The following RNF208 variants were observed in gnomAD, a reference collection of about 807,000 sequenced individuals.
RNF208 encodes ring finger protein 208.
RNF208 carries 7 observed loss-of-function variants against 15.2 expected under a neutral mutation model. That is an observed-to-expected ratio of 0.46 (90% CI 0.26 to 0.86). The LOEUF is 0.86. RNF208 is among the 40% of genes least tolerant of loss of function. The pLI is 0.16. For synonymous variants in RNF208, 211 were observed against 163.2 expected (o/e 1.29, Z -2.23); for missense variants, 342 against 364.1 (o/e 0.94, Z 0.49).
chr9:137,220,898 C>T lies in RNF208; in HGVS notation c.315G>A (p.Leu105=), dbSNP rs1328897848. ...CCTCTGGGGCCACGCGGGGAAAGCC[C>T]AGCTCCGAGCTTCCCTTACGGGGCC... ...PRRPRKGSSE[L]GFPRVAPEDE... Residue 105 remains leucine, a synonymous_variant, in exon 2 of 2, where the codon CTG becomes CTA. Transcript: ENST00000391553. 6.4e-7 allele frequency: 1 copy of T among 1,573,540 alleles called. No homozygotes were observed. Among genetic ancestry groups the T allele is most frequent in the African/African-American group, 1.4e-5 (1 of 73,964 alleles).
At chr9:137,222,932 C>T (rs1185989775), upstream of RNF208, among the ~76,000 whole-genome samples, 1 of 152,238 alleles carries the variant, frequency 6.6e-6, no homozygotes, top group East Asian at 1.9e-4. Context: ...CTGTGGAGCC[C>T]TCGGGCTTGC....
chr9:137,221,275 C>G lies in RNF208; in HGVS notation c.-63G>C. On this transcript the variant is annotated 5_prime_UTR_variant, in exon 2 of 2. Coordinates refer to ENST00000391553, the MANE Select transcript of RNF208 (RefSeq NM_031297.7). ...GGGGGCGTTGTGTGGGGCTGGGGGG[C>G]AGGTGACAGGGCAGCATCCTGGTCC... is the stretch of plus-strand genomic sequence containing the variant. The G allele has an allele frequency of 9.5e-7, 1 of 1,047,978 alleles. No homozygotes were observed. The highest frequency in any genetic ancestry group is 1.3e-6 in the Non-Finnish European group (1 of 786,776). The allele number at this position is 1,047,978 out of a possible 1,614,324, so 64.9% of individuals were successfully genotyped here.
Position 137,220,819 on chromosome 9 carries a change from C to A in RNF208, c.394G>T (p.Ala132Ser). 6.2e-7 allele frequency: 1 copy of A among 1,607,768 alleles called. No individual in the cohort carries two copies. Among genetic ancestry groups the A allele is most frequent in the East Asian group, 2.2e-5 (1 of 44,762 alleles). ...GGCTCGCCTGCCGCCGCCGAAGAAGCCGCCGAGGCCGAGGGGCCAGGCCGA... is the reference window on the plus strand; with the variant it reads ...GGCTCGCCTGCCGCCGCCGAAGAAGACGCCGAGGCCGAGGGGCCAGGCCGA... ...VIRPGPSASA[A>S]SSAAAGEPLE... Residue 132 changes from alanine (A) to serine (S), a missense_variant, in exon 2 of 2, where the codon GCT becomes TCT. Ala to Ser is a moderately conservative substitution (Grantham distance 99). Around this residue, in one of 3 missense-constraint regions of RNF208, gnomAD observed 207 missense variants for 193.7 expected, o/e 1.07. Transcript: ENST00000391553.
At position 137,220,560 on chromosome 9, in the gene RNF208, G is replaced by A. The variant is rs768549537; in HGVS notation, c.653C>T (p.Ala218Val). The change falls in exon 2 of 2, where the codon GCG (alanine) becomes GTG (valine). Residue 218 changes from alanine to valine, a missense_variant. Ala to Val is a moderately conservative substitution (Grantham distance 64). Around this residue, in one of 3 missense-constraint regions of RNF208, gnomAD observed 76 missense variants for 118.0 expected, o/e 0.64. Transcript: ENST00000391553. Reference protein sequence around the residue: ...TSILSRLPPEALTAPSGGQWG... With the variant: ...TSILSRLPPEVLTAPSGGQWG... The stretch of plus-strand genomic sequence containing the variant: ...CTGACCCCCGGATGGGGCCGTCAGC[G>A]CCTCAGGCGGCAGGCGGCTCAGGAT... 9.9e-6 allele frequency: 16 copies of A among 1,610,256 alleles called. No homozygotes were observed. Among genetic ancestry groups the A allele is most frequent in the Middle Eastern group, 1.7e-4 (1 of 6,060 alleles).
rs370547824 is a variant in RNF208, at chr9:137,220,808, C to G, written c.405G>C (p.Ala135=). ...GGCACTCCAGGGGCTCGCCTGCCGCCGCCGAAGAAGCCGCCGAGGCCGAGG... is the reference window on the plus strand; with the variant it reads ...GGCACTCCAGGGGCTCGCCTGCCGCGGCCGAAGAAGCCGCCGAGGCCGAGG... The part of the protein sequence containing the change: ...PGPSASAASS[A]AAGEPLECPT... The change falls in exon 2 of 2, where the codon GCG becomes GCC. Residue 135 remains alanine, a synonymous_variant. Transcript: ENST00000391553. 1.2e-6 allele frequency: 2 copies of G among 1,607,756 alleles called. No homozygotes were observed. The highest frequency in any genetic ancestry group is 1.7e-6 in the Non-Finnish European group (2 of 1,177,468).
In RNF208 at chr9:137,221,262, T is replaced by TG; in HGVS notation, c.-51dup. On this transcript the variant is annotated 5_prime_UTR_variant, in exon 2 of 2. The change abolishes the stop of an existing upstream ORF in the 5' untranslated region. Coordinates refer to ENST00000391553, the MANE Select transcript of RNF208 (RefSeq NM_031297.7). ...TGTTCGGGTGGGTGGGGGCGTTGTGTGGGGCTGGGGGGCAGGTGACAGGGC... is the reference window on the plus strand; with the variant it reads ...TGTTCGGGTGGGTGGGGGCGTTGTGTGGGGGCTGGGGGGCAGGTGACAGGGC... The TG allele has an allele frequency of 8.7e-6, 1 of 114,906 alleles. No homozygotes were observed. Among genetic ancestry groups the TG allele is most frequent in the Non-Finnish European group, 1.3e-5 (1 of 76,890 alleles). The allele number at this position is 114,906 out of a possible 1,614,324, so 7.1% of individuals were successfully genotyped here.
In RNF208 at chr9:137,222,194, G is replaced by C. The variant is rs1232295251; in HGVS notation, c.-732C>G. Reference sequence around the variant, plus strand: ...GCGTGGGGCGCGGGGCGCGGGTTTCGGCACGGCGGCGACGGCGGCAGGTGC... The same window carrying C: ...GCGTGGGGCGCGGGGCGCGGGTTTCCGCACGGCGGCGACGGCGGCAGGTGC... On this transcript the variant is annotated 5_prime_UTR_variant, in exon 1 of 2. Coordinates refer to ENST00000391553, the MANE Select transcript of RNF208 (RefSeq NM_031297.7). Among the ~76,000 whole-genome samples the C allele has an allele frequency of 1.4e-5, 2 of 146,214 alleles. No homozygotes were observed. Among genetic ancestry groups the C allele is most frequent in the Non-Finnish European group, 3.0e-5 (2 of 65,812 alleles).
intron 1 of RNF208, among the ~76,000 whole-genome samples, 106 bp downstream of exon 1, chr9:137,221,882 CT>C (rs1268123403): frequency 6.6e-5 from 10 of 152,088 alleles, no homozygotes; most frequent in African/African-American, 1.9e-4. Flanking sequence ...ACCCAACCCC[CT>C]CCCCGGTCCC....
Position 137,221,180 on chromosome 9 carries a change from A to C in RNF208, c.33T>G (p.Ser11Arg), listed in dbSNP as rs1408599565. The part of the protein sequence containing the change: MPSDPGPEAG[S>R]GWPGLLMSCL... ...AGGACATGAGGAGGCCCGGCCAGCCACTGCCCGCCTCGGGCCCGGGGTCAG... is the reference window on the plus strand; with the variant it reads ...AGGACATGAGGAGGCCCGGCCAGCCCCTGCCCGCCTCGGGCCCGGGGTCAG... Residue 11 changes from serine (S) to arginine (R), a missense_variant, in exon 2 of 2, where the codon AGT (serine) becomes AGG (arginine). This residue lies in a region of RNF208 where 207 missense variants were observed against 193.7 expected (regional missense o/e 1.07). Transcript: ENST00000391553. 4 of 1,524,908 alleles carry C rather than the reference A, an allele frequency of 2.6e-6. No homozygotes were observed. The South Asian group carries it at 5.0e-5, about 19-fold the overall frequency. 94.5% of individuals were successfully genotyped at this position (1,524,908 alleles called of 1,614,324 possible).
In RNF208 at chr9:137,220,978, C is replaced by A. The variant is rs752082200; in HGVS notation, c.235G>T (p.Gly79Trp). The A allele has an allele frequency of 2.6e-6, 4 of 1,555,276 alleles. No individual in the cohort carries two copies. The highest frequency in any genetic ancestry group is 1.3e-5 in the African/African-American group (1 of 74,208). ...CCTTCCAAGGCAGGCATGTCCCCCC[C>A]ACAGGCCTGGTTGACAATGATCTCT... ...DTEIIVNQAC[G>W]GDMPALEGAP... The change falls in exon 2 of 2, where the codon GGG becomes TGG. Residue 79 changes from glycine to tryptophan, a missense_variant. Gly to Trp is a radical substitution (Grantham distance 184). Around this residue, in one of 3 missense-constraint regions of RNF208, gnomAD observed 207 missense variants for 193.7 expected, o/e 1.07. Coordinates refer to ENST00000391553, the MANE Select transcript of RNF208 (RefSeq NM_031297.7).
chr9:137,220,984 C>G lies in RNF208; in HGVS notation c.229G>C (p.Ala77Pro). 2 of 1,559,566 alleles carry G rather than the reference C, an allele frequency of 1.3e-6. No homozygotes were observed. Among genetic ancestry groups the G allele is most frequent in the Non-Finnish European group, 1.7e-6 (2 of 1,149,574 alleles). ...PSDTEIIVNQ[A>P]CGGDMPALEG... ...AAGGCAGGCATGTCCCCCCCACAGG[C>G]CTGGTTGACAATGATCTCTGTGTCT... Residue 77 changes from alanine to proline, a missense_variant, in exon 2 of 2, where the codon GCC becomes CCC. Ala to Pro is a conservative substitution (Grantham distance 27). Transcript: ENST00000391553.
chr9:137,222,460 C>T (rs1158534877), upstream of RNF208, among the ~76,000 whole-genome samples: 3 of 152,110 alleles, frequency 2.0e-5, no homozygotes, highest in African/African-American at 7.2e-5. Context: ...CTGGTCAAGC[C>T]CCCGCCCCCC....
At position 137,220,407 on chromosome 9, in the gene RNF208, T is replaced by G; in HGVS notation, c.*20A>C. The G allele has an allele frequency of 6.5e-7, 1 of 1,538,188 alleles. No individual in the cohort carries two copies. Among genetic ancestry groups the G allele is most frequent in the African/African-American group, 1.4e-5 (1 of 74,024 alleles). On this transcript the variant is annotated 3_prime_UTR_variant, in exon 2 of 2. Transcript: ENST00000391553. ...GCAGCGAGCGAGGCTCAGCGGGCAG[T>G]GGCGGGCAGGCAGGCGCTACTACAT... is the stretch of plus-strand genomic sequence containing the variant.
At position 137,221,258 on chromosome 9, in the gene RNF208, T is replaced by TGGGGGGGGGGGGGGGGG; in HGVS notation, c.-47_-46insCCCCCCCCCCCCCCCCC. On this transcript the variant is annotated 5_prime_UTR_variant, in exon 2 of 2. The change abolishes the stop of an existing upstream ORF in the 5' untranslated region. Transcript: ENST00000391553. ...TGGATGTTCGGGTGGGTGGGGGCGT[T>TGGGGGGGGGGGGGGGGG]GTGTGGGGCTGGGGGGCAGGTGACA... The TGGGGGGGGGGGGGGGGG allele has an allele frequency of 2.1e-6, 1 of 468,964 alleles. No homozygotes were observed. Among genetic ancestry groups the TGGGGGGGGGGGGGGGGG allele is most frequent in the East Asian group, 8.1e-5 (1 of 12,380 alleles). 29.1% of individuals were successfully genotyped at this position (468,964 alleles called of 1,614,324 possible).
In RNF208 at chr9:137,221,280, G is replaced by C; in HGVS notation, c.-68C>G. ...CGTTGTGTGGGGCTGGGGGGCAGGT[G>C]ACAGGGCAGCATCCTGGTCCCGCCA... On this transcript the variant is annotated 5_prime_UTR_variant, in exon 2 of 2. Coordinates refer to ENST00000391553, the MANE Select transcript of RNF208 (RefSeq NM_031297.7). 9.1e-7 allele frequency: 1 copy of C among 1,101,984 alleles called. No individual in the cohort carries two copies. The highest frequency in any genetic ancestry group is 1.2e-6 in the Non-Finnish European group (1 of 823,252). The allele number at this position is 1,101,984 out of a possible 1,614,324, so 68.3% of individuals were successfully genotyped here. A position where few individuals can be genotyped will look rare whatever the true frequency, so the allele number is the denominator to read the frequency against.
intron 1 of RNF208, among the ~76,000 whole-genome samples, 29 bp downstream of exon 1, chr9:137,221,960 C>G (rs1303346682): frequency 6.6e-6 from 1 of 151,956 alleles, no homozygotes; most frequent in Non-Finnish European, 1.5e-5. Flanking sequence ...GCGCTGAGTC[C>G]GCCCCCGGCC....
Position 137,220,573 on chromosome 9 carries a change from G to A in RNF208, c.640C>T (p.Leu214=), listed in dbSNP as rs149582355. ...LAVNTSILSR[L]PPEALTAPSG... ...GGGGCCGTCAGCGCCTCAGGCGGCA[G>A]GCGGCTCAGGATGGACGTGTTGACA... Residue 214 remains leucine (L), a synonymous_variant, in exon 2 of 2, where the codon CTG becomes TTG. Transcript: ENST00000391553. 1,435 of 1,611,440 alleles carry A rather than the reference G, an allele frequency of 8.9e-4. 4 individuals carry two copies. The highest frequency in any genetic ancestry group is 1.1e-3 in the Non-Finnish European group (1,256 of 1,179,494).
Position 137,220,442 on chromosome 9 carries a change from G to C in RNF208, c.771C>G (p.Ala257=), listed in dbSNP as rs374462269. Residue 257 remains alanine, a synonymous_variant, in exon 2 of 2, where the codon GCC becomes GCG. Transcript: ENST00000391553. Reference sequence around the variant, plus strand: ...GCAGGCGCTACTACATGATGGAGCAGGCGGACAGTGGGTTCCGCACGTGGC... The same window carrying C: ...GCAGGCGCTACTACATGATGGAGCACGCGGACAGTGGGTTCCGCACGTGGC... The part of the protein sequence containing the change: ...CTCHVRNPLS[A]CSIM 1 of 1,588,626 alleles carries C rather than the reference G, an allele frequency of 6.3e-7. No individual in the cohort carries two copies. Among genetic ancestry groups the C allele is most frequent in the Non-Finnish European group, 8.6e-7 (1 of 1,166,218 alleles).
Position 137,221,308 on chromosome 9 carries a change from C to G in RNF208, c.-96G>C. On this transcript the variant is annotated 5_prime_UTR_variant, in exon 2 of 2. Transcript: ENST00000391553. ...AGGGCAGCATCCTGGTCCCGCCAGG[C>G]CTGGGGGGGGCCCCGGACGGCCCGT... is the stretch of plus-strand genomic sequence containing the variant. 1.1e-6 allele frequency: 1 copy of G among 947,214 alleles called. No individual in the cohort carries two copies. The highest frequency in any genetic ancestry group is 1.7e-5 in the African/African-American group (1 of 58,858). 58.7% of individuals were successfully genotyped at this position (947,214 alleles called of 1,614,324 possible).
Sources: allele counts gnomAD v4.1 joint callset (sites outside exome capture counted in the v4.1 genomes callset), GRCh38; gene constraint gnomAD v4.1.1; regional missense constraint gnomAD v4.1.1; transcripts MANE v1.5; gene names NCBI Gene and HGNC (gene_info 2026-07-23, HGNC 2026-07-21).